The following KIAA1210 variants were observed in gnomAD, a reference collection of about 807,000 sequenced individuals.
KIAA1210 encodes acrosomal protein KIAA1210.
In KIAA1210, 48 loss-of-function variants were observed where a neutral mutation model predicts 78.9. The ratio of observed to expected loss-of-function variants is 0.61; its 90% confidence interval spans 0.48 to 0.77. The LOEUF is 0.77. Among genes scored for constraint, KIAA1210 ranks in the 30% least tolerant of loss-of-function variants. The pLI, the probability that KIAA1210 is intolerant of heterozygous loss-of-function variation, is 0.00. For synonymous variants in KIAA1210, 406 were observed against 404.5 expected (o/e 1.00, Z -0.04); for missense variants, 1,108 against 1,100.0 (o/e 1.01, Z -0.10).
chrX:119,129,931 G>C (rs764409691), upstream of KIAA1210, among the ~76,000 whole-genome samples: 9 of 111,342 alleles, frequency 8.1e-5, no homozygotes, highest in Admixed American at 1.9e-4. Flanking sequence ...TTTCTTTCAC[G>C]TGCCTCATTA....
chrX:119,142,733 C>T (rs1929076492), intron 2 of KIAA1210, among the ~76,000 whole-genome samples: 1 of 96,503 alleles, frequency 1.0e-5, no homozygotes, highest in African/African-American at 3.9e-5. Flanking sequence ...CGAGATCATG[C>T]CACTGCACTC....
chrX:119,081,379 C>T lies in KIAA1210; in HGVS notation c.4552G>A (p.Ala1518Thr). The T allele has an allele frequency of 8.3e-7, 1 of 1,208,213 alleles. No individual in the cohort carries two copies. Among genetic ancestry groups the T allele is most frequent in the Non-Finnish European group, 1.1e-6 (1 of 893,749 alleles). The change falls in exon 12 of 12, where the codon GCC (alanine) becomes ACC (threonine). Residue 1518 changes from alanine (A) to threonine (T), a missense_variant. Around this residue, in one of 5 missense-constraint regions of KIAA1210, gnomAD observed 245 missense variants for 278.8 expected, o/e 0.88. Transcript: ENST00000691062. ...CTCCATGCTTTGGCTTTCTTCCTGGCCAGTGAGAACCAGACAGGCTCAATT... is the reference window on the plus strand; with the variant it reads ...CTCCATGCTTTGGCTTTCTTCCTGGTCAGTGAGAACCAGACAGGCTCAATT... ...EPIEPVWFSLARKKAKAWSHM... is the reference protein window; with the variant it reads ...EPIEPVWFSLTRKKAKAWSHM...
In KIAA1210 at chrX:119,088,208, C is replaced by T; in HGVS notation, c.2494G>A (p.Val832Ile). The change falls in exon 9 of 12, where the codon GTT (valine) becomes ATT (isoleucine). Residue 832 changes from valine to isoleucine, a missense_variant. Physicochemically the swap from Val to Ile is conservative, Grantham distance 29. Coordinates refer to ENST00000691062, the MANE Select transcript of KIAA1210 (RefSeq NM_001394962.1). The part of the protein sequence containing the change: ...NMFSGSEDIA[V>I]ERVISVEPLL... The stretch of plus-strand genomic sequence containing the variant: ...GGCTCCACAGAAATGACTCTCTCAA[C>T]AGCAATGTCCTCTGAACCTGAGAAC... 1 of 1,210,998 alleles carries T rather than the reference C, an allele frequency of 8.3e-7. No individual in the cohort carries two copies. Among genetic ancestry groups the T allele is most frequent in the Non-Finnish European group, 1.1e-6 (1 of 894,876 alleles).
At chrX:119,094,213 G>A in intron 7 of KIAA1210, 1 of 444,785 alleles carries the variant, frequency 2.2e-6, no homozygotes, top group Non-Finnish European at 3.9e-6. Context: ...TTCTTTTCAG[G>A]GAATGTAATG....
At chrX:119,125,006 A>G (rs1285008709) in intron 1 of KIAA1210, among the ~76,000 whole-genome samples, 1 of 112,261 alleles carries the variant, frequency 8.9e-6, no homozygotes, top group Non-Finnish European at 1.9e-5. Flanking sequence ...CTTAATTTAT[A>G]AAGAGCTCAT....
Position 119,086,863 on chromosome X carries a change from C to G in KIAA1210, c.3839G>C (p.Gly1280Ala). The change falls in exon 9 of 12, where the codon GGT (glycine) becomes GCT (alanine). Residue 1280 changes from glycine to alanine, a missense_variant. By Grantham distance (60) the Gly-to-Ala change is moderately conservative (BLOSUM62 0). Coordinates refer to ENST00000691062, the MANE Select transcript of KIAA1210 (RefSeq NM_001394962.1). Reference sequence around the variant, plus strand: ...TGCATGCTGGTTATTATTACCATCACCACTCTCAAGATCTTCTTTCTTAGA... The same window carrying G: ...TGCATGCTGGTTATTATTACCATCAGCACTCTCAAGATCTTCTTTCTTAGA... ...IYSKKEDLES[G>A]DGNNNQHANL... 8.3e-7 allele frequency: 1 copy of G among 1,211,531 alleles called. No individual in the cohort carries two copies. The highest frequency in any genetic ancestry group is 1.1e-6 in the Non-Finnish European group (1 of 895,359).
At chrX:119,099,242 T>C (rs765365504) in intron 6 of KIAA1210, among the ~76,000 whole-genome samples, 1 of 112,946 alleles carries the variant, frequency 8.9e-6, no homozygotes, top group African/African-American at 3.2e-5. Flanking sequence ...TAATTTACTT[T>C]AGTGAAACTC....
At chrX:119,135,590 C>T (rs1044031964) in intron 2 of KIAA1210, among the ~76,000 whole-genome samples, 10 of 111,682 alleles carry the variant, frequency 9.0e-5, no homozygotes, top group African/African-American at 3.3e-4. Flanking sequence ...GTGCCAAGAG[C>T]TCTGCCCCCA....
At chrX:119,097,052 G>C (rs1475348041) in intron 6 of KIAA1210, among the ~76,000 whole-genome samples, 1 of 111,701 alleles carries the variant, frequency 9.0e-6, no homozygotes, top group Non-Finnish European at 1.9e-5. Context: ...AGGACATCTG[G>C]CTGGGGTGAG....
chrX:119,118,676 A>G lies in KIAA1210; in HGVS notation c.62-2012T>C, dbSNP rs1928352784. Among the ~76,000 whole-genome samples, 2 of 112,304 alleles carry G rather than the reference A, an allele frequency of 1.8e-5. 1 individual carries two copies. The highest frequency in any genetic ancestry group is 7.4e-4 in the South Asian group (2 of 2,691). On this transcript the variant is annotated intron_variant, in intron 2 of 11. Coordinates refer to ENST00000691062, the MANE Select transcript of KIAA1210 (RefSeq NM_001394962.1). ...AAACTTCAAGGCCTGCCTTAAGTCCAGTTTCCCACCAATCAGTGAAACTCA... is the reference window on the plus strand; with the variant it reads ...AAACTTCAAGGCCTGCCTTAAGTCCGGTTTCCCACCAATCAGTGAAACTCA...
chrX:119,082,123 C>T (rs1359359528), intron 11 of KIAA1210, among the ~76,000 whole-genome samples: 1 of 111,701 alleles, frequency 9.0e-6, no homozygotes, highest in African/African-American at 3.3e-5. Flanking sequence ...TTAGAATCAC[C>T]TAGGGCTCTT....
chrX:119,127,503 C>T (rs748731292), intron 1 of KIAA1210, among the ~76,000 whole-genome samples: 1 of 110,832 alleles, frequency 9.0e-6, no homozygotes, highest in East Asian at 2.8e-4. Flanking sequence ...GCCTTATTTC[C>T]CTAACCAAAT....
intron 8 of KIAA1210, among the ~76,000 whole-genome samples, chrX:119,091,625 C>T (rs900893495): frequency 8.9e-6 from 1 of 111,864 alleles, no homozygotes; most frequent in South Asian, 3.7e-4. Context: ...TTTCTTCCCT[C>T]ACTATCTGCT....
chrX:119,143,227 C>G (rs1040160897), intron 2 of KIAA1210, among the ~76,000 whole-genome samples: 2 of 112,434 alleles, frequency 1.8e-5, no homozygotes, highest in African/African-American at 6.5e-5. Context: ...TCCCAGTAAC[C>G]AGCAGGTTTG....
At position 119,087,754 on chromosome X, in the gene KIAA1210, G is replaced by T. The variant is rs1927204405; in HGVS notation, c.2948C>A (p.Thr983Asn). ...AACTTTAGACCTCTTTAAGAACTGG[G>T]TAGCATATTGGGGAGGCAATGGACT... The part of the protein sequence containing the change: ...SGSPLPPQYA[T>N]QFLKRSKVQE... Residue 983 changes from threonine to asparagine, a missense_variant, in exon 9 of 12, where the codon ACC becomes AAC. By Grantham distance (65) the Thr-to-Asn change is moderately conservative. Around this residue, in one of 5 missense-constraint regions of KIAA1210, gnomAD observed 179 missense variants for 174.1 expected, o/e 1.03. Coordinates refer to ENST00000691062, the MANE Select transcript of KIAA1210 (RefSeq NM_001394962.1). The T allele has an allele frequency of 3.3e-6, 4 of 1,210,053 alleles. No individual in the cohort carries two copies. The highest frequency in any genetic ancestry group is 1.7e-5 in the African/African-American group (1 of 57,176).
chrX:119,123,794 C>T (rs1472240639), intron 1 of KIAA1210, 142 bp from the exon 2 acceptor site: 1 of 435,018 alleles, frequency 2.3e-6, no homozygotes, highest in African/African-American at 2.5e-5. Flanking sequence ...ATTGCCATTA[C>T]AGAGAATTAT....
Position 119,088,253 on chromosome X carries a change from G to C in KIAA1210, c.2449C>G (p.Pro817Ala). 1 of 1,211,243 alleles carries C rather than the reference G, an allele frequency of 8.3e-7. No homozygotes were observed. The highest frequency in any genetic ancestry group is 1.1e-6 in the Non-Finnish European group (1 of 895,219). Residue 817 changes from proline to alanine, a missense_variant, in exon 9 of 12, where the codon CCT (proline) becomes GCT (alanine). This residue lies in a region of KIAA1210 where 672 missense variants were observed against 607.1 expected (regional missense o/e 1.11). Coordinates refer to ENST00000691062, the MANE Select transcript of KIAA1210 (RefSeq NM_001394962.1). The part of the protein sequence containing the change: ...PKLLCQPLMN[P>A]KVQQNMFSGS... ...GAGAACATGTTTTGTTGAACTTTAG[G>C]ATTCATCAAGGGCTGGCAAAGAAGT...
Position 119,109,193 on chromosome X carries a change from G to C in KIAA1210, c.240C>G (p.Ser80Arg). 8.3e-7 allele frequency: 1 copy of C among 1,200,761 alleles called. No individual in the cohort carries two copies. The highest frequency in any genetic ancestry group is 1.1e-6 in the Non-Finnish European group (1 of 889,482). Residue 80 changes from serine (S) to arginine (R), a missense_variant, in exon 4 of 12, where the codon AGC becomes AGG. Coordinates refer to ENST00000691062, the MANE Select transcript of KIAA1210 (RefSeq NM_001394962.1). ...GGGATAGGGCTTTGCTCCCCATGCT[G>C]CTCTTGGCCCTGGACAGAAAGGAAA... ...ENQPTKARAK[S>R]SMGSKALSHD...
At chrX:119,143,531 C>T (rs1259187262) in intron 2 of KIAA1210, among the ~76,000 whole-genome samples, 1 of 112,123 alleles carries the variant, frequency 8.9e-6, no homozygotes, top group Non-Finnish European at 1.9e-5. Flanking sequence ...ATATTTCACC[C>T]GAGGCTATTC....
Sources: gnomAD v4.1 joint callset for allele counts (sites outside exome capture counted in the v4.1 genomes callset) on GRCh38, gnomAD v4.1.1 for gene constraint, gnomAD v4.1.1 regional missense constraint, MANE v1.5 for transcripts, NCBI Gene and HGNC (gene_info 2026-07-23, HGNC 2026-07-21) for gene names.